The following GPHN variants were observed in gnomAD, a reference collection of about 807,000 sequenced individuals.
GPHN encodes gephyrin.
A neutral mutation model predicts 95.5 loss-of-function variants in GPHN; 17 were observed. The observed-to-expected ratio is 0.18, with a 90% CI of 0.12 to 0.27. GPHN has a LOEUF of 0.27. Ranked by LOEUF, GPHN falls within the 10% of genes least tolerant of loss-of-function variation. The probability of loss-of-function intolerance (pLI) is 1.00; values close to 1 mark genes in which losing one functional copy is unlikely to be tolerated. For synonymous variants in GPHN, 320 were observed against 322.5 expected (o/e 0.99, Z 0.08); for missense variants, 660 against 978.1 (o/e 0.67, Z 4.34).
intron 3 of GPHN, among the ~76,000 whole-genome samples, chr14:66,777,243 GACAAATAC>G (rs1333830140): frequency 6.6e-6 from 1 of 152,058 alleles, no homozygotes; most frequent in Admixed American, 6.6e-5. Flanking sequence ...TAAATTCCTC[GACAAATAC>G]ACTCTCCCAA....
chr14:67,348,316 C>T, the GPHN span, among the ~76,000 whole-genome samples: 1 of 152,100 alleles, frequency 6.6e-6, no homozygotes, highest in East Asian at 1.9e-4. Context: ...GCGATCCGCC[C>T]ACCTTGGCTT....
chr14:67,699,915 G>A, the GPHN span, among the ~76,000 whole-genome samples: 1 of 152,154 alleles, frequency 6.6e-6, no homozygotes, highest in Admixed American at 6.5e-5. Flanking sequence ...GCCGAGGTGG[G>A]CGGATCATGA....
the GPHN span, among the ~76,000 whole-genome samples, chr14:67,619,638 G>A: frequency 6.6e-6 from 1 of 152,292 alleles, no homozygotes; most frequent in Non-Finnish European, 1.5e-5. Flanking sequence ...CTCCCGCGAA[G>A]GGACACACCT....
At chr14:66,530,389 G>C (rs1457450733) in intron 1 of GPHN, among the ~76,000 whole-genome samples, 1 of 152,160 alleles carries the variant, frequency 6.6e-6, no homozygotes, top group Admixed American at 6.5e-5. Context: ...GGGCTCCTTG[G>C]GGGTGGGTTC....
intron 4 of GPHN, among the ~76,000 whole-genome samples, chr14:66,860,253 G>A (rs916172796): frequency 1.4e-4 from 22 of 151,998 alleles, no homozygotes; most frequent in African/African-American, 5.1e-4. Flanking sequence ...ACATACAACG[G>A]AGCTCTACTA....
intron 11 of GPHN, 107 bp downstream of exon 11, chr14:67,058,893 T>C: frequency 1.0e-6 from 1 of 976,092 alleles, no homozygotes; most frequent in Non-Finnish European, 1.6e-6. Context: ...TTATTAACCA[T>C]TATTACAGTT....
chr14:66,508,514 C>T lies in GPHN; in HGVS notation c.-14C>T, dbSNP rs746077761. The T allele has an allele frequency of 1.2e-6, 2 of 1,613,662 alleles. No individual in the cohort carries two copies. The highest frequency in any genetic ancestry group is 1.7e-5 in the Admixed American group (1 of 60,038). On this transcript the variant is annotated 5_prime_UTR_variant, in exon 1 of 23. Coordinates refer to ENST00000478722, the MANE Select transcript of GPHN (RefSeq NM_020806.5). Reference sequence around the variant, plus strand: ...CTCCCGGCTCCTGTCAGTGCGGTGACTGCGCTGGGAAACATGGCGACCGAG... The same window carrying T: ...CTCCCGGCTCCTGTCAGTGCGGTGATTGCGCTGGGAAACATGGCGACCGAG...
chr14:67,713,024 A>G, the GPHN span, among the ~76,000 whole-genome samples: 2 of 152,076 alleles, frequency 1.3e-5, no homozygotes, highest in East Asian at 1.9e-4. Context: ...ATCAAGTTGG[A>G]TAGAATTGAT....
the GPHN span, among the ~76,000 whole-genome samples, chr14:67,369,014 A>G: frequency 6.6e-6 from 1 of 152,222 alleles, no homozygotes; most frequent in South Asian, 2.1e-4. Context: ...TAGGTATTCA[A>G]TTATTCAGTT....
At chr14:67,366,942 T>C in the GPHN span, among the ~76,000 whole-genome samples, 2 of 152,140 alleles carry the variant, frequency 1.3e-5, no homozygotes, top group African/African-American at 4.8e-5. Context: ...TATGGTCTTA[T>C]TGGCTTTAGA....
At chr14:67,204,650 A>G in the GPHN span, 1 of 1,613,952 alleles carries the variant, frequency 6.2e-7, no homozygotes. Flanking sequence ...ACCTCTGCAT[A>G]TAAACAGGAC....
At chr14:67,532,500 AAT>A in the GPHN span, among the ~76,000 whole-genome samples, 3 of 152,068 alleles carry the variant, frequency 2.0e-5, no homozygotes, top group Non-Finnish European at 4.4e-5. Flanking sequence ...GAGATCTGCA[AAT>A]GTCTGAGAAC....
At chr14:67,335,880 CCCT>C in the GPHN span, 1 of 152,236 alleles carries the variant, frequency 6.6e-6, no homozygotes, top group Non-Finnish European at 1.5e-5. Context: ...GTAAAGACCA[CCCT>C]CCTCTTCAAG....
At chr14:67,506,743 T>C in the GPHN span, among the ~76,000 whole-genome samples, 16 of 152,204 alleles carry the variant, frequency 1.1e-4, no homozygotes, top group African/African-American at 3.4e-4. Flanking sequence ...CCCAACACTT[T>C]GGGAGGCCAA....
At chr14:67,395,930 T>A in the GPHN span, among the ~76,000 whole-genome samples, 22,872 of 151,850 alleles carry the variant, frequency 0.15, 3,265 homozygotes, top group East Asian at 0.42. Context: ...TTAAAATCAG[T>A]CCCATCTGAA....
the GPHN span, among the ~76,000 whole-genome samples, chr14:67,516,377 C>T: frequency 3.6e-3 from 530 of 146,488 alleles, 1 homozygote; most frequent in African/African-American, 0.012. Flanking sequence ...GTCTAATGGC[C>T]GCTTTTCAAC....
chr14:67,699,219 C>G, the GPHN span, among the ~76,000 whole-genome samples: 1 of 151,264 alleles, frequency 6.6e-6, no homozygotes, highest in Non-Finnish European at 1.5e-5. Context: ...CGCCATTGCA[C>G]TACAGCCTGG....
At chr14:67,262,836 A>G in the GPHN span, among the ~76,000 whole-genome samples, 1 of 152,132 alleles carries the variant, frequency 6.6e-6, no homozygotes, top group South Asian at 2.1e-4. Context: ...TAGGCCATAT[A>G]TATTCTTCAT....
the GPHN span, among the ~76,000 whole-genome samples, chr14:67,249,150 TG>T: frequency 1.3e-4 from 20 of 151,896 alleles, no homozygotes; most frequent in Non-Finnish European, 2.2e-4. Context: ...TTTGTGGAGA[TG>T]GGGCTTCACC....
Sources: allele counts gnomAD v4.1 joint callset (sites outside exome capture counted in the v4.1 genomes callset), GRCh38; gene constraint gnomAD v4.1.1; transcripts MANE v1.5; gene names NCBI Gene and HGNC (gene_info 2026-07-23, HGNC 2026-07-21).